CPA6: variants seen among roughly 807,000 people sequenced by gnomAD.
The protein encoded by CPA6 is carboxypeptidase A6, also known as carboxypeptidase B.
In CPA6, 58 loss-of-function variants were observed where a neutral mutation model predicts 63.3. The observed-to-expected ratio is 0.92, with a 90% CI of 0.74 to 1.14. CPA6 has a LOEUF of 1.14. CPA6 is among the 50% of genes most tolerant of loss of function. CPA6 has a pLI of 0.00. For missense variants in CPA6, 565 were observed against 526.6 expected, an observed-to-expected ratio of 1.07 and a Z score of -0.71; for synonymous variants, 185 against 179.0, an observed-to-expected ratio of 1.03 and a Z score of -0.27.
At chr8:67,523,757 T>G (rs538614472) in intron 2 of CPA6, among the ~76,000 whole-genome samples, 1 of 152,198 alleles carries the variant, frequency 6.6e-6, no homozygotes, top group Non-Finnish European at 1.5e-5. Flanking sequence ...ACACACCTGG[T>G]TCAGGTACCA....
At chr8:67,705,059 A>T (rs1817104372) in intron 1 of CPA6, among the ~76,000 whole-genome samples, 1 of 152,210 alleles carries the variant, frequency 6.6e-6, no homozygotes, top group Admixed American at 6.5e-5. Flanking sequence ...GCTGTTTTAC[A>T]AGCCCTCCAG....
intron 1 of CPA6, among the ~76,000 whole-genome samples, chr8:67,629,982 A>G (rs957785142): frequency 2.6e-5 from 4 of 151,758 alleles, no homozygotes; most frequent in Admixed American, 6.6e-5. Flanking sequence ...GCAGACATCT[A>G]TAGCACCAGC....
Position 67,422,375 on chromosome 8 carries a change from G to T in CPA6, c.*129C>A. 2 of 663,578 alleles carry T rather than the reference G, an allele frequency of 3.0e-6. No homozygotes were observed. The highest frequency in any genetic ancestry group is 2.5e-6 in the Non-Finnish European group (1 of 407,448). 41.1% of individuals were successfully genotyped at this position (663,578 alleles called of 1,614,324 possible). On this transcript the variant is annotated 3_prime_UTR_variant, in exon 11 of 11. Coordinates refer to ENST00000297770, the MANE Select transcript of CPA6 (RefSeq NM_020361.5). The stretch of plus-strand genomic sequence containing the variant: ...TATTGCCACAAAGTCAAATTGCGTG[G>T]GGTCTTTTTAAAGTCCATAGACATG...
chr8:67,622,106 T>G (rs746427177), intron 2 of CPA6, among the ~76,000 whole-genome samples: 4 of 152,268 alleles, frequency 2.6e-5, no homozygotes, highest in Non-Finnish European at 5.9e-5. Context: ...TTGTAAGGCC[T>G]AACACGTAAA....
intron 8 of CPA6, among the ~76,000 whole-genome samples, chr8:67,472,523 C>T (rs186601380): frequency 2.4e-4 from 36 of 152,120 alleles, no homozygotes; most frequent in Admixed American, 5.2e-4. Flanking sequence ...CTCCTGGGCT[C>T]AAGCAATCCT....
At chr8:67,492,610 A>G (rs776969886) in intron 6 of CPA6, among the ~76,000 whole-genome samples, 1 of 152,182 alleles carries the variant, frequency 6.6e-6, no homozygotes, top group Non-Finnish European at 1.5e-5. Flanking sequence ...AGAGTTTTTA[A>G]TATTATGACA....
chr8:67,733,533 G>A (rs1034604683), intron 1 of CPA6, among the ~76,000 whole-genome samples: 2 of 151,906 alleles, frequency 1.3e-5, no homozygotes, highest in African/African-American at 2.4e-5. Context: ...TTTTATCTCC[G>A]CTCAGAGTCC....
intron 1 of CPA6, among the ~76,000 whole-genome samples, chr8:67,699,172 C>G (rs142032946): frequency 1.3e-5 from 2 of 152,270 alleles, no homozygotes; most frequent in African/African-American, 4.8e-5. Context: ...AATCCCAGCA[C>G]CTTGGGAGGC....
chr8:67,606,369 G>T (rs1814638518), intron 2 of CPA6, among the ~76,000 whole-genome samples: 1 of 151,862 alleles, frequency 6.6e-6, no homozygotes, highest in African/African-American at 2.4e-5. Flanking sequence ...TTAAAAAAAA[G>T]AATTCCATTT....
chr8:67,667,392 C>T (rs1446152051), intron 1 of CPA6, among the ~76,000 whole-genome samples: 2 of 152,022 alleles, frequency 1.3e-5, no homozygotes, highest in African/African-American at 4.8e-5. Context: ...GCCAGTGCCA[C>T]AGAACTAATA....
chr8:67,661,722 A>G (rs1336779012), intron 1 of CPA6, among the ~76,000 whole-genome samples: 6 of 152,196 alleles, frequency 3.9e-5, no homozygotes, highest in Non-Finnish European at 7.3e-5. Context: ...GAGAAATCTT[A>G]AACAGAGCAA....
Position 67,484,775 on chromosome 8 carries a change from A to G in CPA6, c.651T>C (p.Tyr217=), listed in dbSNP as rs754365579. 3 of 1,590,400 alleles carry G rather than the reference A, an allele frequency of 1.9e-6. No homozygotes were observed. Among genetic ancestry groups the G allele is most frequent in the East Asian group, 2.2e-5 (1 of 44,722 alleles). Residue 217 remains tyrosine, a synonymous_variant, in exon 7 of 11, where the codon TAT becomes TAC. Coordinates refer to ENST00000297770, the MANE Select transcript of CPA6 (RefSeq NM_020361.5). ...QWFVKEALLT[Y]KSDPAMRKML... ...TTTTTCTCATGGCTGGGTCACTCTT[A>G]TATGTTAGAAGAGCCTAAAAGACAA...
intron 1 of CPA6, among the ~76,000 whole-genome samples, chr8:67,729,530 AAG>A (rs1333090274): frequency 2.6e-5 from 4 of 152,188 alleles, no homozygotes; most frequent in Non-Finnish European, 5.9e-5. Flanking sequence ...CCTTCCCCCA[AAG>A]AGAGTACAGC....
At chr8:67,512,128 C>T (rs1554669697) in intron 3 of CPA6, among the ~76,000 whole-genome samples, 2 of 152,192 alleles carry the variant, frequency 1.3e-5, no homozygotes, top group Non-Finnish European at 2.9e-5. Flanking sequence ...CTCTACTGGT[C>T]AGTGCCAAGC....
intron 1 of CPA6, among the ~76,000 whole-genome samples, chr8:67,663,653 G>C (rs1418199120): frequency 6.6e-6 from 1 of 152,104 alleles, no homozygotes; most frequent in Non-Finnish European, 1.5e-5. Context: ...TTAGTTGGCT[G>C]GGGATAATGG....
intron 8 of CPA6, among the ~76,000 whole-genome samples, chr8:67,468,763 A>G (rs977205911): frequency 6.6e-6 from 1 of 152,160 alleles, no homozygotes; most frequent in Non-Finnish European, 1.5e-5. Flanking sequence ...TGCACAGCTC[A>G]GCGTGGCATG....
chr8:67,470,230 A>G (rs1363848110), intron 8 of CPA6, among the ~76,000 whole-genome samples: 2 of 151,880 alleles, frequency 1.3e-5, no homozygotes, highest in East Asian at 1.9e-4. Flanking sequence ...GGGTTTCCCC[A>G]TATTGGTCAG....
intron 8 of CPA6, among the ~76,000 whole-genome samples, chr8:67,476,552 TC>T (rs1438098001): frequency 9.6e-4 from 105 of 109,762 alleles, no homozygotes; most frequent in African/African-American, 4.7e-3. Context: ...TCTCTCTCTC[TC>T]TTTTTTTTTT....
intron 6 of CPA6, among the ~76,000 whole-genome samples, chr8:67,494,309 G>T (rs563056455): frequency 6.6e-6 from 1 of 151,522 alleles, no homozygotes; most frequent in Non-Finnish European, 1.5e-5. Flanking sequence ...ATTCCTTTAC[G>T]CCTCTTTCTT....
Sources: allele counts gnomAD v4.1 joint callset (sites outside exome capture counted in the v4.1 genomes callset), GRCh38; gene constraint gnomAD v4.1.1; transcripts MANE v1.5; gene names NCBI Gene and HGNC (gene_info 2026-07-23, HGNC 2026-07-21).